KCNH1: variants seen among roughly 807,000 people sequenced by gnomAD.
KCNH1 encodes the protein voltage-gated delayed rectifier potassium channel KCNH1.
A neutral mutation model predicts 69.2 loss-of-function variants in KCNH1; 27 were observed. The observed-to-expected ratio is 0.39, with a 90% confidence interval of 0.29 to 0.54. The LOEUF (loss-of-function observed/expected upper bound fraction) is 0.54, where lower values mean the gene tolerates loss of function less well. Ranked by LOEUF, KCNH1 falls within the 20% of genes least tolerant of loss-of-function variation. KCNH1 has a pLI of 0.68. For missense variants in KCNH1, 798 were observed against 1,261.6 expected, an observed-to-expected ratio of 0.63 and a Z score of 5.57; for synonymous variants, 456 against 487.7, an observed-to-expected ratio of 0.93 and a Z score of 0.86.
At chr1:210,872,186 G>A (rs1296111240) in intron 7 of KCNH1, among the ~76,000 whole-genome samples, 2 of 145,710 alleles carry the variant, frequency 1.4e-5, no homozygotes, top group Non-Finnish European at 3.0e-5. Context: ...CAAGATAATC[G>A]ATGTTAAGTA....
At chr1:211,016,189 T>C (rs1159049419) in intron 6 of KCNH1, among the ~76,000 whole-genome samples, 1 of 152,068 alleles carries the variant, frequency 6.6e-6, no homozygotes, top group African/African-American at 2.4e-5. Flanking sequence ...CATATACAGT[T>C]TGTTTGGAAG....
At chr1:211,074,509 G>C (rs1312744426) in intron 5 of KCNH1, among the ~76,000 whole-genome samples, 1 of 152,118 alleles carries the variant, frequency 6.6e-6, no homozygotes, top group Non-Finnish European at 1.5e-5. Flanking sequence ...ACGTTAGATG[G>C]AAGTATGATT....
chr1:210,840,342 A>G (rs1483718645), intron 7 of KCNH1, among the ~76,000 whole-genome samples: 2 of 152,214 alleles, frequency 1.3e-5, no homozygotes, highest in African/African-American at 4.8e-5. Flanking sequence ...GATTGCTTTC[A>G]GTCTTTGAGG....
chr1:210,783,877 A>G (rs1043742568), intron 9 of KCNH1, among the ~76,000 whole-genome samples: 2 of 152,226 alleles, frequency 1.3e-5, no homozygotes, highest in Non-Finnish European at 2.9e-5. Flanking sequence ...GCGGGTCAGT[A>G]CAATATGTTG....
At chr1:211,041,298 T>C (rs1001485667) in intron 5 of KCNH1, among the ~76,000 whole-genome samples, 12 of 152,164 alleles carry the variant, frequency 7.9e-5, no homozygotes, top group Admixed American at 7.2e-4. Context: ...TTCTTCCTTC[T>C]CACTCTCCTT....
chr1:210,691,407 G>A (rs1681525264), intron 10 of KCNH1, among the ~76,000 whole-genome samples: 3 of 151,778 alleles, frequency 2.0e-5, no homozygotes, highest in Non-Finnish European at 1.5e-5. Flanking sequence ...CAGCAGGTGG[G>A]TACATTATTA....
chr1:210,907,050 C>G (rs563257524), intron 7 of KCNH1, among the ~76,000 whole-genome samples: 1 of 152,208 alleles, frequency 6.6e-6, no homozygotes, highest in Non-Finnish European at 1.5e-5. Context: ...TGAAAAGGCA[C>G]TTTCACTTTC....
chr1:210,780,494 A>G (rs1683955297), intron 9 of KCNH1, among the ~76,000 whole-genome samples: 1 of 152,212 alleles, frequency 6.6e-6, no homozygotes, highest in Admixed American at 6.5e-5. Context: ...GAGGTGTAAC[A>G]GTGGAACAGC....
chr1:210,936,307 G>A (rs1050102126), intron 6 of KCNH1, among the ~76,000 whole-genome samples: 12 of 152,176 alleles, frequency 7.9e-5, no homozygotes, highest in African/African-American at 2.4e-4. Flanking sequence ...CCATCTTCAT[G>A]TGTAGAGAAA....
chr1:210,730,824 A>G (rs1256849590), intron 10 of KCNH1, among the ~76,000 whole-genome samples: 2 of 152,158 alleles, frequency 1.3e-5, no homozygotes, highest in African/African-American at 4.8e-5. Context: ...TGGAATGCCC[A>G]TGTTGCCTAC....
intron 10 of KCNH1, among the ~76,000 whole-genome samples, chr1:210,744,973 C>T (rs888819765): frequency 2.0e-5 from 3 of 152,158 alleles, no homozygotes; most frequent in African/African-American, 7.2e-5. Context: ...GAGGCCAAGG[C>T]GGGTGGATCA....
At chr1:210,825,995 T>C (rs1685024886) in intron 7 of KCNH1, among the ~76,000 whole-genome samples, 1 of 152,228 alleles carries the variant, frequency 6.6e-6, no homozygotes. Flanking sequence ...CTTTTTTCTG[T>C]TTGTTCTAAA....
chr1:210,793,556 A>G (rs1467193229), intron 9 of KCNH1, among the ~76,000 whole-genome samples: 2 of 152,204 alleles, frequency 1.3e-5, no homozygotes, highest in East Asian at 1.9e-4. Context: ...AACTAAACAC[A>G]CTCAGTTATG....
At chr1:211,098,024 GAT>G (rs1691188556) in intron 3 of KCNH1, among the ~76,000 whole-genome samples, 2 of 152,164 alleles carry the variant, frequency 1.3e-5, no homozygotes, top group Non-Finnish European at 1.5e-5. Context: ...AACTGTCGTT[GAT>G]ATAAGAAAAT....
rs1558585788 is a variant in KCNH1 at position 211,057,547 on chromosome 1, G to A, written c.558+25233C>T. Among the ~76,000 whole-genome samples, 7 of 152,216 alleles carry A rather than the reference G, an allele frequency of 4.6e-5. No individual in the cohort carries two copies. In the South Asian group the frequency reaches 1.5e-3, roughly 32 times the overall value. On this transcript the variant is annotated intron_variant, in intron 5 of 10. Transcript: ENST00000271751. ...CCAGTTACTTGGGAGGCTGAGGTGA[G>A]AGGATCGCTCGAGCCCAGGAGGTTA...
intron 10 of KCNH1, among the ~76,000 whole-genome samples, chr1:210,738,067 C>T (rs1247417260): frequency 6.6e-6 from 1 of 152,132 alleles, no homozygotes; most frequent in Non-Finnish European, 1.5e-5. Flanking sequence ...TTTCCACCTC[C>T]ACTTCTGAAT....
intron 5 of KCNH1, among the ~76,000 whole-genome samples, chr1:211,042,598 C>T (rs111791796): frequency 2.0e-5 from 3 of 152,280 alleles, no homozygotes; most frequent in African/African-American, 4.8e-5. Context: ...TGTATTTAAA[C>T]TATACCCCGG....
At chr1:210,964,429 A>C (rs1414346444) in intron 6 of KCNH1, among the ~76,000 whole-genome samples, 1 of 152,202 alleles carries the variant, frequency 6.6e-6, no homozygotes, top group Non-Finnish European at 1.5e-5. Flanking sequence ...TCAAATCCAC[A>C]CATAACAATA....
intron 6 of KCNH1, among the ~76,000 whole-genome samples, chr1:210,943,510 G>A (rs765510652): frequency 7.3e-4 from 111 of 151,984 alleles, no homozygotes; most frequent in African/African-American, 2.3e-3. Context: ...CGCCACGCCC[G>A]GCTAATTTTT....
Sources: allele counts gnomAD v4.1 joint callset (sites outside exome capture counted in the v4.1 genomes callset), GRCh38; gene constraint gnomAD v4.1.1; transcripts MANE v1.5; gene names NCBI Gene and HGNC (gene_info 2026-07-23, HGNC 2026-07-21).